The following TMPRSS15 variants were observed in gnomAD, a reference collection of about 807,000 sequenced individuals.
The protein encoded by TMPRSS15 is transmembrane serine protease 15.
In TMPRSS15, 128 loss-of-function variants were observed where a neutral mutation model predicts 125.3. That is an observed-to-expected ratio of 1.02 (90% confidence interval 0.89 to 1.18). The LOEUF (loss-of-function observed/expected upper bound fraction) is 1.18, where lower values mean the gene tolerates loss of function less well. TMPRSS15 is among the 50% of genes most tolerant of loss of function. The pLI, the probability that TMPRSS15 is intolerant of heterozygous loss-of-function variation, is 0.00. For synonymous variants in TMPRSS15, 446 were observed against 423.2 expected, an observed-to-expected ratio of 1.05 and a Z score of -0.66; for missense variants, 1,283 against 1,212.7, an observed-to-expected ratio of 1.06 and a Z score of -0.86.
chr21:18,288,528 CTTTTTTTT>C (rs149147539), intron 21 of TMPRSS15, among the ~76,000 whole-genome samples: 3 of 96,936 alleles, frequency 3.1e-5, no homozygotes, highest in Admixed American at 2.9e-4. Context: ...AATGCTCTTC[CTTTTTTTT>C]TTTTTTTTTT....
chr21:18,393,968 G>A (rs1043633144), intron 3 of TMPRSS15, among the ~76,000 whole-genome samples: 3 of 152,152 alleles, frequency 2.0e-5, no homozygotes, highest in Non-Finnish European at 4.4e-5. Context: ...TTAAATGTCT[G>A]TTTCTAAGTA....
chr21:18,275,227 G>A lies in TMPRSS15; in HGVS notation c.2874C>T (p.Gly958=), dbSNP rs766054019. The change falls in exon 24 of 25, where the codon GGC becomes GGT. Residue 958 remains glycine (G), a synonymous_variant. Coordinates refer to ENST00000284885, the MANE Select transcript of TMPRSS15 (RefSeq NM_002772.3). The part of the protein sequence containing the change: ...YNITENMICA[G]YEEGGIDSCQ... ...AAGAATCTATTCCTCCTTCTTCATAGCCTGCACATATCATATTTTCAGTAA... is the reference window on the plus strand; with the variant it reads ...AAGAATCTATTCCTCCTTCTTCATAACCTGCACATATCATATTTTCAGTAA... 6.2e-7 allele frequency: 1 copy of A among 1,613,924 alleles called. No individual in the cohort carries two copies. The highest frequency in any genetic ancestry group is 2.2e-5 in the East Asian group (1 of 44,862).
chr21:18,395,590 C>T (rs537941429), intron 3 of TMPRSS15, among the ~76,000 whole-genome samples: 1 of 152,222 alleles, frequency 6.6e-6, no homozygotes, highest in South Asian at 2.1e-4. Flanking sequence ...TATATACTTG[C>T]CATTTTTCTT....
At chr21:18,313,723 A>G (rs1459161459) in intron 17 of TMPRSS15, among the ~76,000 whole-genome samples, 1 of 151,984 alleles carries the variant, frequency 6.6e-6, no homozygotes, top group Non-Finnish European at 1.5e-5. Flanking sequence ...TCTTTTATGT[A>G]ACCATAAAAA....
intron 24 of TMPRSS15, among the ~76,000 whole-genome samples, chr21:18,274,822 T>G (rs2074600842): frequency 6.6e-6 from 1 of 152,040 alleles, no homozygotes; most frequent in Admixed American, 6.6e-5. Flanking sequence ...CCTGTTTTTG[T>G]TTGTTTGTTT....
chr21:18,469,502 C>G (rs552857834), intron 1 of TMPRSS15, among the ~76,000 whole-genome samples: 9 of 152,164 alleles, frequency 5.9e-5, no homozygotes, highest in African/African-American at 2.2e-4. Flanking sequence ...TGGGACAATT[C>G]TAGAAGCTTT....
intron 4 of TMPRSS15, among the ~76,000 whole-genome samples, chr21:18,381,852 G>T (rs1253739446): frequency 1.3e-5 from 2 of 151,992 alleles, no homozygotes; most frequent in African/African-American, 2.4e-5. Flanking sequence ...AGGAGGCAGA[G>T]AATGAGGAGA....
intron 24 of TMPRSS15, among the ~76,000 whole-genome samples, chr21:18,272,522 G>A (rs2074570366): frequency 6.6e-6 from 1 of 152,010 alleles, no homozygotes; most frequent in African/African-American, 2.4e-5. Flanking sequence ...TCAGGAGTTC[G>A]AGATCAGCCT....
At chr21:18,395,279 T>C (rs1367120432) in intron 3 of TMPRSS15, among the ~76,000 whole-genome samples, 1 of 152,216 alleles carries the variant, frequency 6.6e-6, no homozygotes, top group Non-Finnish European at 1.5e-5. Context: ...TCTTGAGTAC[T>C]TTTTTAATAT....
At chr21:18,423,878 G>A (rs559552656) in intron 1 of TMPRSS15, among the ~76,000 whole-genome samples, 2 of 152,228 alleles carry the variant, frequency 1.3e-5, no homozygotes, top group Admixed American at 6.5e-5. Context: ...CATAATGGCA[G>A]GGAGATTATA....
At chr21:18,466,445 C>CA (rs544229683) in intron 1 of TMPRSS15, among the ~76,000 whole-genome samples, 5,187 of 145,144 alleles carry the variant, frequency 0.036, 183 homozygotes, top group African/African-American at 0.098. Flanking sequence ...TTCTGCACAG[C>CA]AAAAAAAAAA....
At chr21:18,481,685 ACTCT>A (rs1317595363) in intron 1 of TMPRSS15, among the ~76,000 whole-genome samples, 2 of 150,978 alleles carry the variant, frequency 1.3e-5, no homozygotes, top group Non-Finnish European at 3.0e-5. Flanking sequence ...TATTAGTAAA[ACTCT>A]CTCTCTTACT....
At chr21:18,365,765 CAG>C (rs1360300738) in intron 6 of TMPRSS15, among the ~76,000 whole-genome samples, 3 of 109,428 alleles carry the variant, frequency 2.7e-5, no homozygotes, top group Admixed American at 1.1e-4. Context: ...TTTTTTGAGA[CAG>C]AGTTTCGCTC....
upstream of TMPRSS15, among the ~76,000 whole-genome samples, chr21:18,408,625 C>G (rs2824810): frequency 0.11 from 16,302 of 151,974 alleles, 991 homozygotes; most frequent in African/African-American, 0.14. Context: ...ATTCTGAGAT[C>G]TAATTGGCAA....
rs1007414135 is a variant in TMPRSS15, at chr21:18,369,990, A to G, written c.664+2203T>C. On this transcript the variant is annotated intron_variant, in intron 6 of 24. Transcript: ENST00000284885. ...TACTTAAACGAAAAAAAAAAAAAAG[A>G]AAATCAAGAAAATGGAAAGTGACGG... Among the ~76,000 whole-genome samples, 50 of 149,882 alleles carry G rather than the reference A, an allele frequency of 3.3e-4. 1 individual carries two copies. The highest frequency in any genetic ancestry group is 1.2e-3 in the African/African-American group (49 of 40,958).
At chr21:18,454,209 A>G (rs538956604) in intron 1 of TMPRSS15, among the ~76,000 whole-genome samples, 6 of 152,180 alleles carry the variant, frequency 3.9e-5, no homozygotes, top group Non-Finnish European at 7.4e-5. Flanking sequence ...CATTTTGAAA[A>G]TGCTTTTGTA....
chr21:18,402,527 CAAA>C (rs60612261), intron 1 of TMPRSS15, among the ~76,000 whole-genome samples: 3 of 109,122 alleles, frequency 2.7e-5, no homozygotes, highest in Admixed American at 1.0e-4. Flanking sequence ...GACTCTATCT[CAAA>C]AAAAAAAAAA....
In TMPRSS15 at chr21:18,275,384, GCATCCTTGAATGAAC is replaced by G. The variant is rs769202582; in HGVS notation, c.2765-63_2765-49del. The G allele has an allele frequency of 1.9e-5, 30 of 1,608,986 alleles. 1 individual carries two copies. In the South Asian group the frequency reaches 3.3e-4, roughly 18 times the overall value. ...CCAGCCAGTCAGAAGTGATCAACAT[GCATCCTTGAATGAAC>G]TACCATCAGTCCTATTTATTCCAAC... On this transcript the variant is annotated intron_variant, in intron 23 of 24. Transcript: ENST00000284885.
At chr21:18,408,844 A>G (rs1440204105) in intron 1 of TMPRSS15, among the ~76,000 whole-genome samples, 1 of 151,326 alleles carries the variant, frequency 6.6e-6, no homozygotes, top group African/African-American at 2.5e-5. Context: ...TCCTTGAAAA[A>G]TTTGGCTGGA....
Sources: gnomAD v4.1 joint callset for allele counts (sites outside exome capture counted in the v4.1 genomes callset) on GRCh38, gnomAD v4.1.1 for gene constraint, MANE v1.5 for transcripts, NCBI Gene and HGNC (gene_info 2026-07-23, HGNC 2026-07-21) for gene names.